The following GRM3 variants were observed in gnomAD, a reference collection of about 807,000 sequenced individuals.
GRM3 encodes glutamate metabotropic receptor 3.
In GRM3, 26 loss-of-function variants were observed where a neutral mutation model predicts 70.5. The ratio of observed to expected loss-of-function variants is 0.37; its 90% CI spans 0.27 to 0.51. GRM3 has a LOEUF of 0.51. Ranked by LOEUF, GRM3 falls within the 20% of genes least tolerant of loss-of-function variation. The pLI is 0.93. For missense variants in GRM3, 859 were observed against 1,123.8 expected (o/e 0.76, Z 3.37); for synonymous variants, 443 against 434.9 (o/e 1.02, Z -0.23).
At chr7:86,831,736 C>G (rs1310773910) in intron 3 of GRM3, among the ~76,000 whole-genome samples, 1 of 146,554 alleles carries the variant, frequency 6.8e-6, no homozygotes, top group Admixed American at 6.9e-5. Flanking sequence ...TGAAGACTAA[C>G]CATGGTAACA....
intron 5 of GRM3, among the ~76,000 whole-genome samples, chr7:86,857,934 T>G (rs1258271815): frequency 8.4e-6 from 1 of 118,992 alleles, no homozygotes; most frequent in African/African-American, 4.1e-5. Flanking sequence ...TTTTATTTTA[T>G]TTTATTTTAT....
intron 1 of GRM3, among the ~76,000 whole-genome samples, chr7:86,724,003 G>A (rs1283332449): frequency 6.6e-6 from 1 of 152,096 alleles, no homozygotes; most frequent in Non-Finnish European, 1.5e-5. Context: ...TAAATCTGAG[G>A]AGAAATGTAG....
rs372916148 is a variant in GRM3, at chr7:86,702,764, G to A, written c.-141+57892G>A. 7.9e-5 allele frequency among the ~76,000 whole-genome samples: 12 copies of A among 152,022 alleles called. No individual in the cohort carries two copies. The South Asian group carries it at 2.5e-3, about 32-fold the overall frequency. On this transcript the variant is annotated intron_variant, in intron 1 of 5. Coordinates refer to ENST00000361669, the MANE Select transcript of GRM3 (RefSeq NM_000840.3). ...TATTTTGGCCCTGGCAAACATTTGA[G>A]TACCTAGCAGTTCTAACACCTGAAC...
At chr7:86,652,271 A>T (rs1215543021) in intron 1 of GRM3, among the ~76,000 whole-genome samples, 1 of 151,768 alleles carries the variant, frequency 6.6e-6, no homozygotes, top group Non-Finnish European at 1.5e-5. Flanking sequence ...GTTTGTTGCT[A>T]TGTGATATAA....
chr7:86,655,176 C>T (rs1241549511), intron 1 of GRM3, among the ~76,000 whole-genome samples: 1 of 152,206 alleles, frequency 6.6e-6, no homozygotes, highest in Non-Finnish European at 1.5e-5. Context: ...GCACCAAATA[C>T]ACACCTGAGT....
intron 1 of GRM3, among the ~76,000 whole-genome samples, chr7:86,667,768 C>T (rs958383781): frequency 6.6e-6 from 1 of 152,150 alleles, no homozygotes; most frequent in African/African-American, 2.4e-5. Context: ...GCCCTTCTAA[C>T]GGTGTACTCT....
rs140189721 is a variant in GRM3, at chr7:86,842,961, T to A, written c.2391+3056T>A. Among the ~76,000 whole-genome samples, 238 of 152,234 alleles carry A rather than the reference T, an allele frequency of 1.6e-3. 3 individuals carry two copies. The highest frequency in any genetic ancestry group is 5.5e-3 in the African/African-American group (228 of 41,550). ...TAAGGTATTTAGAGAATATAGGGAA[T>A]ATTCTGGAGACAGGACAGGAAAGAA... On this transcript the variant is annotated intron_variant, in intron 4 of 5. Transcript: ENST00000361669.
At chr7:86,762,258 T>C (rs2116402887) in intron 1 of GRM3, among the ~76,000 whole-genome samples, 1 of 152,220 alleles carries the variant, frequency 6.6e-6, no homozygotes, top group African/African-American at 2.4e-5. Context: ...TCTGGTACCC[T>C]GTGGCAGATC....
chr7:86,855,011 CCTT>C (rs1164268690), intron 5 of GRM3, among the ~76,000 whole-genome samples: 7 of 152,190 alleles, frequency 4.6e-5, no homozygotes, highest in Admixed American at 1.3e-4. Context: ...TGGGCATTCT[CCTT>C]CTAATGGCAG....
At chr7:86,777,328 A>G (rs559651949) in intron 2 of GRM3, among the ~76,000 whole-genome samples, 34 of 152,300 alleles carry the variant, frequency 2.2e-4, no homozygotes, top group African/African-American at 7.0e-4. Context: ...AGATGAGTGC[A>G]ATGATTTTCA....
intron 5 of GRM3, among the ~76,000 whole-genome samples, chr7:86,851,058 G>T (rs993355325): frequency 8.5e-5 from 13 of 152,134 alleles, no homozygotes; most frequent in Admixed American, 6.6e-5. Context: ...CCCCTTGGAA[G>T]TTTACAGTAC....
At chr7:86,723,424 T>C (rs918459115) in intron 1 of GRM3, among the ~76,000 whole-genome samples, 2 of 152,028 alleles carry the variant, frequency 1.3e-5, no homozygotes, top group Non-Finnish European at 1.5e-5. Flanking sequence ...TGCCAGAAAA[T>C]TTTTTAAATG....
rs201158915 is a variant in GRM3, at chr7:86,765,369, C to G, written c.224C>G (p.Ala75Gly). Reference sequence around the variant, plus strand: ...CAACGCCTGGAAGCCATGTTGTTTGCTATTGATGAAATCAACAAAGATGAT... The same window carrying G: ...CAACGCCTGGAAGCCATGTTGTTTGGTATTGATGAAATCAACAAAGATGAT... ...GIQRLEAMLF[A>G]IDEINKDDYL... Residue 75 changes from alanine (A) to glycine (G), a missense_variant, in exon 2 of 6, where the codon GCT becomes GGT. Ala to Gly is a moderately conservative substitution (Grantham distance 60). Coordinates refer to ENST00000361669, the MANE Select transcript of GRM3 (RefSeq NM_000840.3). The G allele has an allele frequency of 1.9e-6, 3 of 1,613,896 alleles. No individual in the cohort carries two copies. The highest frequency in any genetic ancestry group is 1.7e-6 in the Non-Finnish European group (2 of 1,179,882).
chr7:86,854,096 T>C (rs1798804016), intron 5 of GRM3, among the ~76,000 whole-genome samples: 1 of 152,196 alleles, frequency 6.6e-6, no homozygotes, highest in South Asian at 2.1e-4. Context: ...TCAAAGAGTC[T>C]GTGATTATTA....
intron 1 of GRM3, among the ~76,000 whole-genome samples, chr7:86,691,487 T>C (rs1794694931): frequency 6.6e-6 from 1 of 152,268 alleles, no homozygotes; most frequent in South Asian, 2.1e-4. Context: ...GTTCAAAGGA[T>C]AATTAAAGAA....
intron 1 of GRM3, among the ~76,000 whole-genome samples, chr7:86,718,308 G>A (rs937589304): frequency 6.6e-6 from 1 of 151,870 alleles, no homozygotes; most frequent in African/African-American, 2.4e-5. Context: ...TGAATGTAAA[G>A]ACCTAGTCAA....
At chr7:86,750,972 A>G (rs1209977647) in intron 1 of GRM3, among the ~76,000 whole-genome samples, 2 of 152,114 alleles carry the variant, frequency 1.3e-5, no homozygotes, top group African/African-American at 4.8e-5. Flanking sequence ...AACTAGAAAT[A>G]TAGGGCATAA....
At chr7:86,653,671 T>C (rs1793661760) in intron 1 of GRM3, among the ~76,000 whole-genome samples, 1 of 151,362 alleles carries the variant, frequency 6.6e-6, no homozygotes, top group African/African-American at 2.4e-5. Flanking sequence ...TTTAATCTTT[T>C]ATCCTGTATT....
intron 3 of GRM3, among the ~76,000 whole-genome samples, chr7:86,790,268 T>G (rs1381620769): frequency 6.6e-6 from 1 of 152,058 alleles, no homozygotes; most frequent in Non-Finnish European, 1.5e-5. Flanking sequence ...TATGCCCATA[T>G]CCATCTGGGA....
Sources: gnomAD v4.1 joint callset for allele counts (sites outside exome capture counted in the v4.1 genomes callset) on GRCh38, gnomAD v4.1.1 for gene constraint, MANE v1.5 for transcripts, NCBI Gene and HGNC (gene_info 2026-07-23, HGNC 2026-07-21) for gene names.